The following KCNG4 variants were observed in gnomAD, a reference collection of about 807,000 sequenced individuals.
KCNG4 encodes the protein potassium voltage-gated channel modifier subfamily G member 4.
KCNG4 carries 30 observed loss-of-function variants against 28.2 expected under a neutral mutation model. The observed-to-expected ratio is 1.06, with a 90% confidence interval of 0.80 to 1.44. The LOEUF is 1.44. KCNG4 is among the 40% of genes most tolerant of loss of function. The pLI, the probability that KCNG4 is intolerant of heterozygous loss-of-function variation, is 0.00. For synonymous variants in KCNG4, 375 were observed against 315.5 expected (o/e 1.19, Z -2.00); for missense variants, 879 against 712.3 (o/e 1.23, Z -2.66).
At position 84,237,034 on chromosome 16, in the gene KCNG4, C is replaced by A. The variant is rs551706107; in HGVS notation, c.452G>T (p.Gly151Val). 30 of 1,613,990 alleles carry A rather than the reference C, an allele frequency of 1.9e-5. No individual in the cohort carries two copies. In the South Asian group the frequency reaches 2.7e-4, roughly 15 times the overall value. ...CCTCTCCAGGTGGGCCTCCTCGATG[C>A]CCCAGTAGGCCAGCTCCTCCTGGAA... ...LSFQEELAYW[G>V]IEEAHLERCC... Residue 151 changes from glycine to valine, a missense_variant, in exon 2 of 3, where the codon GGC becomes GTC. Transcript: ENST00000308251.
Position 84,222,687 on chromosome 16 carries a change from C to A in KCNG4, c.1090G>T (p.Val364Leu). 6.2e-7 allele frequency: 1 copy of A among 1,613,008 alleles called. No individual in the cohort carries two copies. The highest frequency in any genetic ancestry group is 8.5e-7 in the Non-Finnish European group (1 of 1,179,762). ...CCGAACTCACGTGTGCAACGGCGCA[C>A]GGTGAGCCCCAGCGTCTGCAGCCCC... ...SLGLQTLGLT[V>L]RRCTREFGLL... Residue 364 changes from valine (V) to leucine (L), a missense_variant, in exon 3 of 3, where the codon GTG (valine) becomes TTG (leucine). By Grantham distance (32) the Val-to-Leu change is conservative. Coordinates refer to ENST00000308251, the MANE Select transcript of KCNG4 (RefSeq NM_172347.3).
At position 84,237,054 on chromosome 16, in the gene KCNG4, C is replaced by T. The variant is rs369178041; in HGVS notation, c.432G>A (p.Gln144=). ...LLQEMCALSF[Q]EELAYWGIEE... is the part of the protein sequence containing the mutation. ...CGATGCCCCAGTAGGCCAGCTCCTC[C>T]TGGAAGGACAGCGCGCACATCTCCT... Residue 144 remains glutamine (Q), a synonymous_variant, in exon 2 of 3, where the codon CAG becomes CAA. Coordinates refer to ENST00000308251, the MANE Select transcript of KCNG4 (RefSeq NM_172347.3). The T allele has an allele frequency of 3.3e-5, 53 of 1,614,118 alleles. No individual in the cohort carries two copies. In the African/African-American group the frequency reaches 6.5e-4, roughly 20 times the overall value.
chr16:84,228,327 G>T (rs981792950), intron 2 of KCNG4, among the ~76,000 whole-genome samples: 1 of 152,178 alleles, frequency 6.6e-6, no homozygotes, highest in African/African-American at 2.4e-5. Context: ...CTTAGTCAGG[G>T]CTGGTCCATT....
rs938068840 is a variant in KCNG4 at position 84,233,981 on chromosome 16, T to G, written c.756+2749A>C. Among the ~76,000 whole-genome samples, 6 of 152,180 alleles carry G rather than the reference T, an allele frequency of 3.9e-5. No individual in the cohort carries two copies. The East Asian group carries it at 1.2e-3, about 29-fold the overall frequency. ...GGTAGAAGTGGTATTCACTTCCCTA[T>G]GCTGCCACAGGGATGAAATCAGTCC... On this transcript the variant is annotated intron_variant, in intron 2 of 2. Transcript: ENST00000308251.
intron 1 of KCNG4, among the ~76,000 whole-genome samples, chr16:84,237,790 G>C (rs1159695056): frequency 1.3e-5 from 2 of 152,160 alleles, no homozygotes; most frequent in Non-Finnish European, 2.9e-5. Context: ...TTGCACGGAT[G>C]GGGGCTTGAG....
rs1288997797 is a variant in KCNG4, at chr16:84,237,253, T to C, written c.233A>G (p.Asp78Gly). The change falls in exon 2 of 3, where the codon GAC (aspartate) becomes GGC (glycine). Residue 78 changes from aspartate (D) to glycine (G), a missense_variant. By Grantham distance (94) the Asp-to-Gly change is moderately conservative (BLOSUM62 -1). Coordinates refer to ENST00000308251, the MANE Select transcript of KCNG4 (RefSeq NM_172347.3). ...RRYLLPWSTL[D>G]RFPLSRLSKL... Reference sequence around the variant, plus strand: ...GCTCAGGCGGCTCAGCGGGAACCGGTCCAGTGTGCTCCAGGGGAGGAGATA... The same window carrying C: ...GCTCAGGCGGCTCAGCGGGAACCGGCCCAGTGTGCTCCAGGGGAGGAGATA... The C allele has an allele frequency of 6.2e-7, 1 of 1,613,330 alleles. No homozygotes were observed. Among genetic ancestry groups the C allele is most frequent in the Non-Finnish European group, 8.5e-7 (1 of 1,179,612 alleles).
chr16:84,236,819 A>T lies in KCNG4; in HGVS notation c.667T>A (p.Phe223Ile). Reference protein sequence around the residue: ...NPQSGLPGKVFACLSILFVAT... With the variant: ...NPQSGLPGKVIACLSILFVAT... ...ACGAAGAGGATGGAGAGGCAAGCGAAGACCTTCCCGGGCAGCCCGGACTGC... is the reference window on the plus strand; with the variant it reads ...ACGAAGAGGATGGAGAGGCAAGCGATGACCTTCCCGGGCAGCCCGGACTGC... The change falls in exon 2 of 3, where the codon TTC (phenylalanine) becomes ATC (isoleucine). Residue 223 changes from phenylalanine (F) to isoleucine (I), a missense_variant. Coordinates refer to ENST00000308251, the MANE Select transcript of KCNG4 (RefSeq NM_172347.3). The T allele has an allele frequency of 6.2e-7, 1 of 1,613,750 alleles. No homozygotes were observed. The highest frequency in any genetic ancestry group is 8.5e-7 in the Non-Finnish European group (1 of 1,180,030).
At chr16:84,231,995 A>C in intron 2 of KCNG4, among the ~76,000 whole-genome samples, 1 of 124,644 alleles carries the variant, frequency 8.0e-6, no homozygotes, top group Non-Finnish European at 1.7e-5. Context: ...CAAAAGCAAA[A>C]CTCCATCTCA....
At position 84,237,482 on chromosome 16, in the gene KCNG4, G is replaced by A; in HGVS notation, c.4C>T (p.Pro2Ser). MPMPSRDGGLHP... is the reference protein window; with the variant it reads MSMPSRDGGLHP... ...AGGCCCCCGTCTCTGGAAGGCATGG[G>A]CATTGCTGAAGACCACCAGGTAGGA... Residue 2 changes from proline (P) to serine (S), a missense_variant, in exon 2 of 3, where the codon CCC becomes TCC. Transcript: ENST00000308251. The A allele has an allele frequency of 6.7e-7, 1 of 1,494,422 alleles. No homozygotes were observed. Among genetic ancestry groups the A allele is most frequent in the East Asian group, 2.3e-5 (1 of 43,130 alleles). The allele number at this position is 1,494,422 out of a possible 1,614,324, so 92.6% of individuals were successfully genotyped here.
intron 2 of KCNG4, among the ~76,000 whole-genome samples, chr16:84,228,201 G>A (rs994164829): frequency 6.6e-6 from 1 of 152,214 alleles, no homozygotes; most frequent in Admixed American, 6.5e-5. Flanking sequence ...CTCCATCTGG[G>A]AGGGGCTCAG....
At position 84,237,099 on chromosome 16, in the gene KCNG4, G is replaced by A. The variant is rs1362710513; in HGVS notation, c.387C>T (p.Ala129=). The A allele has an allele frequency of 3.7e-6, 6 of 1,614,074 alleles. No individual in the cohort carries two copies. The highest frequency in any genetic ancestry group is 3.3e-4 in the Middle Eastern group (2 of 6,062). Residue 129 remains alanine, a synonymous_variant, in exon 2 of 3, where the codon GCC becomes GCT. Coordinates refer to ENST00000308251, the MANE Select transcript of KCNG4 (RefSeq NM_172347.3). ...AFGVIVSFLA[A]GKLVLLQEMC... is the part of the protein sequence containing the mutation. The stretch of plus-strand genomic sequence containing the variant: ...TCTCCTGCAGAAGCACCAGCTTCCC[G>A]GCCGCCAGGAAGCTCACGATCACCC...
chr16:84,220,346 G>A lies in KCNG4; in HGVS notation c.*1871C>T. 6.6e-6 allele frequency: 1 copy of A among 152,338 alleles called. No homozygotes were observed. Among genetic ancestry groups the A allele is most frequent in the Non-Finnish European group, 1.5e-5 (1 of 68,072 alleles). 9.4% of individuals were successfully genotyped at this position (152,338 alleles called of 1,614,324 possible). ...GGGACATGTGCCTGTATAGTTGGGGGGACACCTGGAGGACTCCAAGGAAAG... is the reference window on the plus strand; with the variant it reads ...GGGACATGTGCCTGTATAGTTGGGGAGACACCTGGAGGACTCCAAGGAAAG... On this transcript the variant is annotated 3_prime_UTR_variant, in exon 3 of 3. Transcript: ENST00000308251.
At chr16:84,223,475 G>A (rs1323547505) in intron 2 of KCNG4, among the ~76,000 whole-genome samples, 1 of 152,160 alleles carries the variant, frequency 6.6e-6, no homozygotes, top group African/African-American at 2.4e-5. Context: ...TGGGACTATT[G>A]CACAAGAGAA....
At chr16:84,232,687 C>T (rs1249287391) in intron 2 of KCNG4, among the ~76,000 whole-genome samples, 1 of 151,982 alleles carries the variant, frequency 6.6e-6, no homozygotes, top group East Asian at 1.9e-4. Context: ...CTCACTTGAG[C>T]TCAGGAGTTC....
intron 2 of KCNG4, 119 bp from the exon 3 acceptor site, chr16:84,223,139 C>G (rs971663074): frequency 3.8e-6 from 3 of 787,070 alleles, no homozygotes; most frequent in Non-Finnish European, 3.9e-6. Flanking sequence ...CCACCAGAAC[C>G]TCCTTTTACA....
intron 2 of KCNG4, chr16:84,235,508 A>C (rs1429056910): frequency 6.6e-6 from 1 of 152,266 alleles, no homozygotes; most frequent in South Asian, 2.1e-4. Context: ...TAAAGGTCCA[A>C]ATATTTTGTG....
chr16:84,222,304 G>T lies in KCNG4; in HGVS notation c.1473C>A (p.Asp491Glu), dbSNP rs1218017695. ...TGPASECELLDPHVASEHELM... is the reference protein window; with the variant it reads ...TGPASECELLEPHVASEHELM... Reference sequence around the variant, plus strand: ...GCTCATGTTCACTGGCCACATGGGGGTCCAGGAGTTCACATTCACTGGCTG... The same window carrying T: ...GCTCATGTTCACTGGCCACATGGGGTTCCAGGAGTTCACATTCACTGGCTG... The change falls in exon 3 of 3, where the codon GAC (aspartate) becomes GAA (glutamate). Residue 491 changes from aspartate (D) to glutamate (E), a missense_variant. Physicochemically the swap from Asp to Glu is conservative, Grantham distance 45 (BLOSUM62 2). Coordinates refer to ENST00000308251, the MANE Select transcript of KCNG4 (RefSeq NM_172347.3). The T allele has an allele frequency of 6.2e-7, 1 of 1,614,214 alleles. No homozygotes were observed. Among genetic ancestry groups the T allele is most frequent in the Non-Finnish European group, 8.5e-7 (1 of 1,180,032 alleles).
At position 84,237,061 on chromosome 16, in the gene KCNG4, G is replaced by C; in HGVS notation, c.425C>G (p.Ser142Cys). ...CCAGTAGGCCAGCTCCTCCTGGAAG[G>C]ACAGCGCGCACATCTCCTGCAGAAG... ...LVLLQEMCAL[S>C]FQEELAYWGI... is the part of the protein sequence containing the mutation. The change falls in exon 2 of 3, where the codon TCC becomes TGC. Residue 142 changes from serine to cysteine, a missense_variant. Ser to Cys is a moderately radical substitution (Grantham distance 112). Transcript: ENST00000308251. 6.2e-7 allele frequency: 1 copy of C among 1,614,068 alleles called. No individual in the cohort carries two copies. The highest frequency in any genetic ancestry group is 1.3e-5 in the African/African-American group (1 of 75,026).
At position 84,237,436 on chromosome 16, in the gene KCNG4, T is replaced by C. The variant is rs764169688; in HGVS notation, c.50A>G (p.Tyr17Cys). ...DGGLHPRHHHYGSHSPWSQLL... is the reference protein window; with the variant it reads ...DGGLHPRHHHCGSHSPWSQLL... ...CTGACTCCAAGGGCTGTGGGAACCA[T>C]AGTGGTGGTGTCTGGGATGCAGGCC... is the stretch of plus-strand genomic sequence containing the variant. The change falls in exon 2 of 3, where the codon TAT becomes TGT. Residue 17 changes from tyrosine to cysteine, a missense_variant. Tyr to Cys is a radical substitution (Grantham distance 194). Transcript: ENST00000308251. The C allele has an allele frequency of 2.2e-5, 34 of 1,511,292 alleles. No individual in the cohort carries two copies. The highest frequency in any genetic ancestry group is 6.9e-5 in the East Asian group (3 of 43,722). The allele number at this position is 1,511,292 out of a possible 1,614,324, so 93.6% of individuals were successfully genotyped here.
Sources: allele counts gnomAD v4.1 joint callset (sites outside exome capture counted in the v4.1 genomes callset), GRCh38; gene constraint gnomAD v4.1.1; transcripts MANE v1.5; gene names NCBI Gene and HGNC (gene_info 2026-07-23, HGNC 2026-07-21).